The following NDUFB1 variants were observed in gnomAD, a reference collection of about 807,000 sequenced individuals.
NDUFB1 encodes NADH dehydrogenase [ubiquinone] 1 beta subcomplex subunit 1.
A neutral mutation model predicts 6.7 loss-of-function variants in NDUFB1; 6 were observed. The observed-to-expected ratio is 0.89, with a 90% CI of 0.49 to 1.76. The LOEUF is 1.76. NDUFB1 is among the 40% of genes most tolerant of loss of function. NDUFB1 has a pLI of 0.01. For missense variants in NDUFB1, 56 were observed against 71.0 expected (o/e 0.79, Z 0.76); for synonymous variants, 17 against 22.9 (o/e 0.74, Z 0.74).
chr14:92,116,331 C>CTTTTTTT (rs35571568), intron 2 of NDUFB1, 102 bp from the exon 3 acceptor site: 244 of 498,952 alleles, frequency 4.9e-4, no homozygotes, highest in South Asian at 9.4e-4. Context: ...ATTTCATTTT[C>CTTTTTTT]TTTTTTTTTT....
chr14:92,116,249 G>A lies in NDUFB1; in HGVS notation c.141-20C>T. The A allele has an allele frequency of 2.5e-6, 4 of 1,605,628 alleles. No homozygotes were observed. The highest frequency in any genetic ancestry group is 2.7e-5 in the African/African-American group (2 of 74,316). On this transcript the variant is annotated intron_variant, in intron 2 of 2. Transcript: ENST00000605997. The stretch of plus-strand genomic sequence containing the variant: ...AATTCCCTGTGTGGAAAGCAAAAAA[G>A]GAAGAAATGGAAAAACTGTAAATAA...
intron 1 of NDUFB1, among the ~76,000 whole-genome samples, chr14:92,119,785 A>G (rs1332284382): frequency 6.6e-6 from 1 of 151,404 alleles, no homozygotes; most frequent in Admixed American, 6.6e-5. Context: ...TTTTTTTTAA[A>G]TAGTCTCGCT....
chr14:92,116,637 T>C (rs1318118810), intron 2 of NDUFB1, among the ~76,000 whole-genome samples: 1 of 152,044 alleles, frequency 6.6e-6, no homozygotes, highest in African/African-American at 2.4e-5. Context: ...GCCCGGTCAA[T>C]ATTTTATTTT....
At chr14:92,116,714 A>G (rs1397741354) in intron 2 of NDUFB1, among the ~76,000 whole-genome samples, 1 of 152,180 alleles carries the variant, frequency 6.6e-6, no homozygotes, top group African/African-American at 2.4e-5. Flanking sequence ...TTCATTCATG[A>G]TTTTAACTTT....
At chr14:92,116,335 T>TC (rs201621435) in intron 2 of NDUFB1, 106 bp from the exon 3 acceptor site, 32,522 of 774,736 alleles carry the variant, frequency 0.042, 548 homozygotes, top group East Asian at 0.19. Context: ...CATTTTCTTT[T>TC]TTTTTTTTTT....
At chr14:92,119,225 T>C (rs1256232199) in intron 1 of NDUFB1, among the ~76,000 whole-genome samples, 3 of 144,352 alleles carry the variant, frequency 2.1e-5, no homozygotes, top group African/African-American at 8.0e-5. Context: ...GGTGGGAGGA[T>C]TGCTTGAGCC....
chr14:92,119,744 G>C (rs1238273238), intron 1 of NDUFB1, among the ~76,000 whole-genome samples: 4 of 151,888 alleles, frequency 2.6e-5, no homozygotes, highest in East Asian at 3.9e-4. Flanking sequence ...TATACACATA[G>C]CCTGAAGGTA....
At chr14:92,120,763 G>A (rs1233444902) in intron 1 of NDUFB1, among the ~76,000 whole-genome samples, 1 of 149,620 alleles carries the variant, frequency 6.7e-6, no homozygotes, top group African/African-American at 2.5e-5. Flanking sequence ...ACTGTTGGCC[G>A]GGCTGGTCTC....
chr14:92,118,087 T>C, intron 1 of NDUFB1: 1 of 190,914 alleles, frequency 5.2e-6, no homozygotes, highest in African/African-American at 2.4e-5. Context: ...TTTGTTTGCC[T>C]GGCATCAGAA....
rs768770418 is a variant in NDUFB1 at position 92,121,702 on chromosome 14, C to T, written c.-66G>A. The stretch of plus-strand genomic sequence containing the variant: ...AGGGCAACAGGGAACTCAACCCGCG[C>T]CAGTGGAAGCTGCGACCTCGGGACC... On this transcript the variant is annotated 5_prime_UTR_variant, in exon 1 of 3. Coordinates refer to ENST00000605997, the MANE Select transcript of NDUFB1 (RefSeq NM_004545.4). 12 of 1,613,858 alleles carry T rather than the reference C, an allele frequency of 7.4e-6. No individual in the cohort carries two copies. Among genetic ancestry groups the T allele is most frequent in the African/African-American group, 1.3e-5 (1 of 74,996 alleles).
intron 1 of NDUFB1, among the ~76,000 whole-genome samples, chr14:92,119,764 G>A (rs899737371): frequency 3.3e-5 from 5 of 151,510 alleles, no homozygotes; most frequent in Admixed American, 3.3e-4. Context: ...AATCTTATAT[G>A]AAACTTTTTT....
chr14:92,119,491 T>C (rs2068738451), intron 1 of NDUFB1, among the ~76,000 whole-genome samples: 1 of 152,218 alleles, frequency 6.6e-6, no homozygotes, highest in Non-Finnish European at 1.5e-5. Flanking sequence ...GCTGCTATTA[T>C]AGCCCATGCC....
chr14:92,121,306 G>A (rs1478307207), intron 1 of NDUFB1: 5 of 445,012 alleles, frequency 1.1e-5, no homozygotes, highest in Non-Finnish European at 2.0e-5. Context: ...TGCTCGCGGA[G>A]GGGAGGCAGC....
chr14:92,121,654 C>G lies in NDUFB1; in HGVS notation c.-18G>C. 1.2e-6 allele frequency: 2 copies of G among 1,608,462 alleles called. No individual in the cohort carries two copies. The highest frequency in any genetic ancestry group is 1.7e-6 in the Non-Finnish European group (2 of 1,178,228). ...TCCCCAAACCCACCTGCAGCCTCAG[C>G]GCCTACAGCGACCCCGAGACCAAGG... is the stretch of plus-strand genomic sequence containing the variant. On this transcript the variant is annotated 5_prime_UTR_variant, in exon 1 of 3. Coordinates refer to ENST00000605997, the MANE Select transcript of NDUFB1 (RefSeq NM_004545.4).
chr14:92,117,317 T>C (rs931706098), intron 2 of NDUFB1, among the ~76,000 whole-genome samples, 181 bp downstream of exon 2: 1 of 152,224 alleles, frequency 6.6e-6, no homozygotes, highest in African/African-American at 2.4e-5. Context: ...AGACTTTAAA[T>C]TCTAGAGGTA....
Position 92,117,699 on chromosome 14 carries a change from C to T in NDUFB1, c.-5-57G>A, listed in dbSNP as rs2068726653. ...CTGCTTTGTTTTTTTTTTGAAATAGCTTTTAAATTGCATCTGGGCCAGGTG... is the reference window on the plus strand; with the variant it reads ...CTGCTTTGTTTTTTTTTTGAAATAGTTTTTAAATTGCATCTGGGCCAGGTG... On this transcript the variant is annotated intron_variant, in intron 1 of 2. Transcript: ENST00000605997. 11 of 1,554,738 alleles carry T rather than the reference C, an allele frequency of 7.1e-6. 1 individual carries two copies. In the Admixed American group the frequency reaches 1.8e-4, roughly 25 times the overall value.
chr14:92,118,964 T>G, intron 1 of NDUFB1: 1 of 363,536 alleles, frequency 2.8e-6, no homozygotes, highest in South Asian at 2.0e-5. Flanking sequence ...ATACAGCGAG[T>G]CTCTGTCTCA....
chr14:92,116,544 A>C (rs1479392549), intron 2 of NDUFB1, among the ~76,000 whole-genome samples: 1 of 151,880 alleles, frequency 6.6e-6, no homozygotes, highest in African/African-American at 2.4e-5. Flanking sequence ...CATGTTGGCC[A>C]GGCTGGTCTC....
chr14:92,119,119 C>G (rs1024981074), intron 1 of NDUFB1, among the ~76,000 whole-genome samples: 1 of 152,024 alleles, frequency 6.6e-6, no homozygotes, highest in Non-Finnish European at 1.5e-5. Flanking sequence ...TGAGACTAGC[C>G]TGGTTAACAT....
Sources: allele counts gnomAD v4.1 joint callset (sites outside exome capture counted in the v4.1 genomes callset), GRCh38; gene constraint gnomAD v4.1.1; transcripts MANE v1.5; gene names NCBI Gene and HGNC (gene_info 2026-07-23, HGNC 2026-07-21).